Variants in CSMD1 observed in about 807,000 individuals in gnomAD.
The protein encoded by CSMD1 is CUB and Sushi multiple domains 1.
CSMD1 carries 213 observed loss-of-function variants against 417.5 expected under a neutral mutation model. The ratio of observed to expected loss-of-function variants is 0.51; its 90% confidence interval spans 0.46 to 0.57. The LOEUF is 0.57. Among genes scored for constraint, CSMD1 ranks in the 20% least tolerant of loss-of-function variants. The probability of loss-of-function intolerance (pLI) is 0.00; values close to 1 mark genes in which losing one functional copy is unlikely to be tolerated. For missense variants in CSMD1, 6,923 were observed against 4,529.7 expected (o/e 1.53, Z -15.17); for synonymous variants, 2,862 against 1,736.8 (o/e 1.65, Z -16.11).
intron 42 of CSMD1, among the ~76,000 whole-genome samples, chr8:3,112,219 A>G (rs190482574): frequency 6.6e-6 from 1 of 152,192 alleles, no homozygotes; most frequent in Non-Finnish European, 1.5e-5. Context: ...GAGAATAACC[A>G]GAGAGCACTT....
At chr8:4,394,103 C>G (rs915028565) in intron 3 of CSMD1, among the ~76,000 whole-genome samples, 12 of 152,114 alleles carry the variant, frequency 7.9e-5, no homozygotes, top group African/African-American at 2.2e-4. Flanking sequence ...AGAGCACTAA[C>G]GATTAATTTT....
At chr8:3,072,787 G>T (rs189262443) in intron 49 of CSMD1, among the ~76,000 whole-genome samples, 1 of 152,156 alleles carries the variant, frequency 6.6e-6, no homozygotes, top group Admixed American at 6.5e-5. Context: ...GGTTAGCACA[G>T]CTTGCCGAAT....
chr8:3,992,010 G>C (rs371635056), intron 5 of CSMD1, among the ~76,000 whole-genome samples: 1 of 151,830 alleles, frequency 6.6e-6, no homozygotes, highest in Non-Finnish European at 1.5e-5. Flanking sequence ...ACATAGAAAT[G>C]GCATTTTAAT....
intron 3 of CSMD1, among the ~76,000 whole-genome samples, chr8:4,393,839 G>C (rs1271046724): frequency 6.6e-6 from 1 of 152,120 alleles, no homozygotes. Flanking sequence ...CTTTTCCAAA[G>C]TTCTAGGAAT....
intron 57 of CSMD1, among the ~76,000 whole-genome samples, 176 bp downstream of exon 57, chr8:2,972,941 C>G (rs1002489843): frequency 6.6e-6 from 1 of 152,194 alleles, no homozygotes; most frequent in Non-Finnish European, 1.5e-5. Flanking sequence ...ACTTGGAATA[C>G]CTCCATGCAC....
chr8:3,247,819 C>G (rs530320363), intron 26 of CSMD1, among the ~76,000 whole-genome samples: 1 of 152,202 alleles, frequency 6.6e-6, no homozygotes, highest in Non-Finnish European at 1.5e-5. Context: ...AATGAAACCT[C>G]CAATCTACTG....
At position 3,233,209 on chromosome 8, in the gene CSMD1, G is replaced by C. The variant is rs577613987; in HGVS notation, c.4154-2978C>G. On this transcript the variant is annotated intron_variant, in intron 26 of 69. Transcript: ENST00000635120. ...TGTAATCAATATGGTCATATTGGGA[G>C]GTGAGGCCTTTAAGAGGTGATTGTA... Among the ~76,000 whole-genome samples the C allele has an allele frequency of 3.9e-5, 6 of 152,172 alleles. No individual in the cohort carries two copies. In the South Asian group the frequency reaches 1.0e-3, roughly 26 times the overall value.
intron 1 of CSMD1, among the ~76,000 whole-genome samples, chr8:4,968,698 C>T (rs1339816942): frequency 6.6e-6 from 1 of 152,128 alleles, no homozygotes; most frequent in Non-Finnish European, 1.5e-5. Context: ...CAAATACTAA[C>T]CTCTACCAGT....
At chr8:4,966,191 C>T (rs934245608) in intron 1 of CSMD1, among the ~76,000 whole-genome samples, 71 of 137,148 alleles carry the variant, frequency 5.2e-4, no homozygotes, top group African/African-American at 1.9e-3. Flanking sequence ...TAGTGGAAGC[C>T]CGTCTCTACT....
At chr8:4,586,669 T>C (rs927381004) in intron 2 of CSMD1, among the ~76,000 whole-genome samples, 19 of 152,206 alleles carry the variant, frequency 1.2e-4, no homozygotes, top group African/African-American at 3.9e-4. Flanking sequence ...CCCTTTTTGT[T>C]TTATTCACAT....
At chr8:4,124,544 G>A (rs957894460) in intron 3 of CSMD1, among the ~76,000 whole-genome samples, 4 of 152,158 alleles carry the variant, frequency 2.6e-5, no homozygotes, top group Non-Finnish European at 5.9e-5. Flanking sequence ...AGAACTTACA[G>A]AAGCTTTGTG....
At chr8:4,042,839 A>AAAAAAAAAAAAAG (rs1179079811) in intron 3 of CSMD1, among the ~76,000 whole-genome samples, 1 of 121,716 alleles carries the variant, frequency 8.2e-6, no homozygotes, top group Non-Finnish European at 1.7e-5. Context: ...AAAAAAAAAA[A>AAAAAAAAAAAAAG]AAAGCAGGCT....
intron 2 of CSMD1, among the ~76,000 whole-genome samples, chr8:4,453,243 ACT>A (rs1491154346): frequency 2.1e-5 from 3 of 145,866 alleles, no homozygotes; most frequent in Admixed American, 2.0e-4. Flanking sequence ...ACACACACAC[ACT>A]GAACCTCCTA....
chr8:3,318,741 C>G (rs9644336), intron 23 of CSMD1, among the ~76,000 whole-genome samples: 1 of 151,814 alleles, frequency 6.6e-6, no homozygotes, highest in African/African-American at 2.4e-5. Flanking sequence ...TGGAGTGTCA[C>G]GGTTCCTTCT....
chr8:4,220,633 G>C (rs3896280), intron 3 of CSMD1, among the ~76,000 whole-genome samples: 11,361 of 152,180 alleles, frequency 0.075, 609 homozygotes, highest in African/African-American at 0.15. Context: ...GTATATTTTG[G>C]AGGTGGAATC....
At position 3,006,709 on chromosome 8, in the gene CSMD1, T is replaced by A. The variant is rs1413504638; in HGVS notation, c.8030-6578A>T. ...ATTTAATAAATGGTGCTGGGAAAAC[T>A]GGCTAGCCATATGTAGAAAGCTGAA... On this transcript the variant is annotated intron_variant, in intron 52 of 69. Transcript: ENST00000635120. Among the ~76,000 whole-genome samples, 21 of 151,722 alleles carry A rather than the reference T, an allele frequency of 1.4e-4. No homozygotes were observed. In the South Asian group the frequency reaches 3.5e-3, roughly 26 times the overall value.
At position 4,464,577 on chromosome 8, in the gene CSMD1, G is replaced by T. The variant is rs140807424; in HGVS notation, c.303-44512C>A. On this transcript the variant is annotated intron_variant, in intron 2 of 69. Transcript: ENST00000635120. Reference sequence around the variant, plus strand: ...AGAATGGTCGTATGGGTACTCAACGGGTGGTTTCTACTGAACGTGTTATTA... The same window carrying T: ...AGAATGGTCGTATGGGTACTCAACGTGTGGTTTCTACTGAACGTGTTATTA... Among the ~76,000 whole-genome samples the T allele has an allele frequency of 4.2e-3, 635 of 152,150 alleles. 3 individuals are homozygous for T. Among genetic ancestry groups the T allele is most frequent in the African/African-American group, 0.015 (602 of 41,512 alleles).
intron 5 of CSMD1, among the ~76,000 whole-genome samples, chr8:3,971,072 T>A (rs541113921): frequency 6.6e-6 from 1 of 152,058 alleles, no homozygotes; most frequent in East Asian, 1.9e-4. Flanking sequence ...TTAATACAAA[T>A]GGGGGAGCCG....
intron 5 of CSMD1, among the ~76,000 whole-genome samples, chr8:3,979,194 G>C (rs1813665691): frequency 6.6e-6 from 1 of 152,146 alleles, no homozygotes; most frequent in Non-Finnish European, 1.5e-5. Flanking sequence ...TAACAGACAG[G>C]GACAGCCAAA....
Sources: gnomAD v4.1 joint callset for allele counts (sites outside exome capture counted in the v4.1 genomes callset) on GRCh38, gnomAD v4.1.1 for gene constraint, MANE v1.5 for transcripts, NCBI Gene and HGNC (gene_info 2026-07-23, HGNC 2026-07-21) for gene names.